Variants in TEK observed in about 807,000 individuals in gnomAD.
The protein encoded by TEK is TEK receptor tyrosine kinase, also known as angiopoietin-1 receptor.
TEK carries 43 observed loss-of-function variants against 131.8 expected under a neutral mutation model. That is an observed-to-expected ratio of 0.33 (90% confidence interval 0.26 to 0.42). The LOEUF (loss-of-function observed/expected upper bound fraction) is 0.42, where lower values mean the gene tolerates loss of function less well. TEK is among the 10% of genes least tolerant of loss of function. The pLI, the probability that TEK is intolerant of heterozygous loss-of-function variation, is 1.00. For synonymous variants in TEK, 580 were observed against 491.6 expected, an observed-to-expected ratio of 1.18 and a Z score of -2.38; for missense variants, 1,162 against 1,384.4, an observed-to-expected ratio of 0.84 and a Z score of 2.55.
At chr9:27,168,422 G>T in intron 2 of TEK, 73 bp from the exon 3 acceptor site, 4 of 1,195,022 alleles carry the variant, frequency 3.3e-6, no homozygotes, top group Non-Finnish European at 5.0e-6. Flanking sequence ...CATTTTCTGA[G>T]TCTCAAAGCT....
chr9:27,173,089 C>T, intron 5 of TEK, 133 bp from the exon 6 acceptor site: 1 of 1,207,910 alleles, frequency 8.3e-7, no homozygotes, highest in Non-Finnish European at 1.2e-6. Flanking sequence ...AGGGTATGTT[C>T]ATCCTACCAT....
intron 12 of TEK, among the ~76,000 whole-genome samples, chr9:27,201,747 A>T (rs558897): frequency 0.48 from 73,303 of 152,048 alleles, 18,272 homozygotes; most frequent in Non-Finnish European, 0.52. Flanking sequence ...AAGGTTCTAA[A>T]TTGTTTATAA....
At chr9:27,149,785 G>C (rs1823057589) in intron 1 of TEK, among the ~76,000 whole-genome samples, 1 of 152,134 alleles carries the variant, frequency 6.6e-6, no homozygotes, top group African/African-American at 2.4e-5. Flanking sequence ...GTACGTCTTT[G>C]AGCAGCATAA....
intron 1 of TEK, among the ~76,000 whole-genome samples, chr9:27,111,306 T>C (rs954883336): frequency 6.6e-6 from 1 of 152,212 alleles, no homozygotes; most frequent in African/African-American, 2.4e-5. Flanking sequence ...GTCTGTTGTC[T>C]TGATCGTAGC....
At chr9:27,200,526 G>C (rs929333985) in intron 12 of TEK, among the ~76,000 whole-genome samples, 5 of 152,112 alleles carry the variant, frequency 3.3e-5, no homozygotes, top group Non-Finnish European at 5.9e-5. Context: ...GATCCCTATA[G>C]GGTCAGGAAA....
At chr9:27,111,978 A>T (rs891914353) in intron 1 of TEK, among the ~76,000 whole-genome samples, 12 of 151,098 alleles carry the variant, frequency 7.9e-5, no homozygotes, top group Non-Finnish European at 1.3e-4. Context: ...AGATCACTGC[A>T]ACCTCCGCCT....
intron 16 of TEK, among the ~76,000 whole-genome samples, chr9:27,210,812 A>C (rs573459526): frequency 6.6e-6 from 1 of 152,292 alleles, no homozygotes; most frequent in African/African-American, 2.4e-5. Context: ...ATTAGCACAT[A>C]GCTGGCTCTT....
rs115604399 is a variant in TEK at position 27,136,047 on chromosome 9, C to T, written c.53-21784C>T. On this transcript the variant is annotated intron_variant, in intron 1 of 22. Coordinates refer to ENST00000380036, the MANE Select transcript of TEK (RefSeq NM_000459.5). ...ATCCTTTTCTGCGGAATTCAAATGC[C>T]CTCTACGAGGTTTCCTCTGTGAATT... Among the ~76,000 whole-genome samples, 491 of 151,542 alleles carry T rather than the reference C, an allele frequency of 3.2e-3. 3 individuals are homozygous for T. The highest frequency in any genetic ancestry group is 0.011 in the African/African-American group (466 of 41,330).
intron 2 of TEK, among the ~76,000 whole-genome samples, chr9:27,161,326 C>T (rs1487238532): frequency 6.6e-6 from 1 of 152,170 alleles, no homozygotes; most frequent in Admixed American, 6.5e-5. Flanking sequence ...AGTTATTTAA[C>T]TTCTATTGGT....
rs112062617 is a variant in TEK at position 27,227,437 on chromosome 9, G to A, written c.3201-769G>A. On this transcript the variant is annotated intron_variant, in intron 21 of 22. Coordinates refer to ENST00000380036, the MANE Select transcript of TEK (RefSeq NM_000459.5). ...TAAACCTGTTGTCTTAGTCATTTCCGGCTGCTGTAACAACATACCATAAAC... is the reference window on the plus strand; with the variant it reads ...TAAACCTGTTGTCTTAGTCATTTCCAGCTGCTGTAACAACATACCATAAAC... Among the ~76,000 whole-genome samples the A allele has an allele frequency of 3.5e-3, 527 of 152,218 alleles. 4 individuals are homozygous for A. Among genetic ancestry groups the A allele is most frequent in the African/African-American group, 0.012 (512 of 41,528 alleles).
At chr9:27,152,605 A>T (rs1350476070) in intron 1 of TEK, among the ~76,000 whole-genome samples, 1 of 141,536 alleles carries the variant, frequency 7.1e-6, no homozygotes, top group Non-Finnish European at 1.5e-5. Flanking sequence ...CCCGCCGCAA[A>T]AAAATAAAAT....
At chr9:27,174,686 A>G (rs144757894) in intron 6 of TEK, among the ~76,000 whole-genome samples, 152 of 152,216 alleles carry the variant, frequency 1.0e-3, no homozygotes, top group African/African-American at 3.4e-3. Context: ...GCCACCTGCA[A>G]TACCTCATTC....
chr9:27,121,538 A>G (rs530343542), intron 1 of TEK, among the ~76,000 whole-genome samples: 22 of 150,322 alleles, frequency 1.5e-4, no homozygotes, highest in Non-Finnish European at 1.5e-5. Flanking sequence ...GTATAAATAT[A>G]TTTTCCATAT....
chr9:27,116,360 C>T (rs1821555807), intron 1 of TEK, among the ~76,000 whole-genome samples: 1 of 152,086 alleles, frequency 6.6e-6, no homozygotes, highest in Non-Finnish European at 1.5e-5. Flanking sequence ...ACGATCTTGG[C>T]TCGCTGCAAG....
intron 22 of TEK, 141 bp downstream of exon 22, chr9:27,228,446 C>T (rs1450909973): frequency 2.9e-6 from 2 of 691,350 alleles, no homozygotes; most frequent in Non-Finnish European, 5.0e-6. Flanking sequence ...TGTCCCTCCA[C>T]CCCCGCGACT....
intron 21 of TEK, among the ~76,000 whole-genome samples, chr9:27,222,575 A>G (rs1347369515): frequency 6.6e-6 from 1 of 152,218 alleles, no homozygotes; most frequent in East Asian, 1.9e-4. Flanking sequence ...TTCTTAAGAG[A>G]AGAATTTTCA....
At position 27,109,456 on chromosome 9, in the gene TEK, C is replaced by T. The variant is rs530793594; in HGVS notation, c.-135C>T. On this transcript the variant is annotated 5_prime_UTR_variant, in exon 1 of 23. Transcript: ENST00000380036. ...TGTTACAGCCTGCTTCTGTGCTGTT[C>T]CTTCTTGCCTCTAACTTGTAAACAA... is the stretch of plus-strand genomic sequence containing the variant. 6.8e-6 allele frequency: 6 copies of T among 879,396 alleles called. No individual in the cohort carries two copies. The highest frequency in any genetic ancestry group is 1.8e-5 in the Admixed American group (1 of 56,564). 54.5% of individuals were successfully genotyped at this position (879,396 alleles called of 1,614,324 possible).
chr9:27,204,195 A>G (rs74329436), intron 13 of TEK, among the ~76,000 whole-genome samples: 1,929 of 152,358 alleles, frequency 0.013, 39 homozygotes, highest in African/African-American at 0.044. Context: ...TAGAGATAGA[A>G]GAAAAGATAA....
At chr9:27,122,783 G>C (rs536899195) in intron 1 of TEK, among the ~76,000 whole-genome samples, 109 of 152,212 alleles carry the variant, frequency 7.2e-4, no homozygotes, top group Non-Finnish European at 7.8e-4. Context: ...GCCGGGCACA[G>C]TGGCTCACGC....
Sources: allele counts gnomAD v4.1 joint callset (sites outside exome capture counted in the v4.1 genomes callset), GRCh38; gene constraint gnomAD v4.1.1; transcripts MANE v1.5; gene names NCBI Gene and HGNC (gene_info 2026-07-23, HGNC 2026-07-21).